Variants in ATRNL1 observed in about 807,000 individuals in gnomAD.
The protein encoded by ATRNL1 is attractin-like protein 1.
A neutral mutation model predicts 182.7 loss-of-function variants in ATRNL1; 95 were observed. That is an observed-to-expected ratio of 0.52 (90% confidence interval 0.44 to 0.62). The LOEUF is 0.62. Ranked by LOEUF, ATRNL1 falls within the 20% of genes least tolerant of loss-of-function variation. ATRNL1 has a pLI of 0.00. For synonymous variants in ATRNL1, 576 were observed against 568.3 expected, an observed-to-expected ratio of 1.01 and a Z score of -0.19; for missense variants, 1,471 against 1,679.5, an observed-to-expected ratio of 0.88 and a Z score of 2.17.
intron 26 of ATRNL1, among the ~76,000 whole-genome samples, chr10:115,647,394 A>G (rs1859698662): frequency 6.6e-6 from 1 of 152,126 alleles, no homozygotes; most frequent in Non-Finnish European, 1.5e-5. Context: ...CACAATGGTT[A>G]AACTAGTTTA....
At chr10:115,656,912 A>AAT (rs1318887624) in intron 26 of ATRNL1, among the ~76,000 whole-genome samples, 4 of 152,082 alleles carry the variant, frequency 2.6e-5, no homozygotes, top group African/African-American at 7.2e-5. Flanking sequence ...CTCCTTCTTA[A>AAT]ATATATATAT....
At chr10:115,186,980 A>G (rs1847966943) in intron 8 of ATRNL1, among the ~76,000 whole-genome samples, 1 of 152,104 alleles carries the variant, frequency 6.6e-6, no homozygotes, top group Non-Finnish European at 1.5e-5. Flanking sequence ...ATAAAGCAAA[A>G]CATAAAAATG....
intron 27 of ATRNL1, among the ~76,000 whole-genome samples, chr10:115,774,832 G>A (rs1339361849): frequency 6.8e-6 from 1 of 148,012 alleles, no homozygotes; most frequent in African/African-American, 2.5e-5. Flanking sequence ...TCTTGCTAAC[G>A]TTTCACTCAG....
At chr10:115,848,083 C>G in intron 28 of ATRNL1, 92 bp downstream of exon 28, 1 of 729,908 alleles carries the variant, frequency 1.4e-6, no homozygotes, top group Non-Finnish European at 2.4e-6. Flanking sequence ...CAGTAAGGAC[C>G]TTTGCAAGGT....
intron 27 of ATRNL1, among the ~76,000 whole-genome samples, chr10:115,831,386 CT>C (rs1201932493): frequency 4.6e-5 from 7 of 151,970 alleles, no homozygotes; most frequent in African/African-American, 1.5e-4. Context: ...AGATCTAGAA[CT>C]TTTTTTTAAC....
intron 28 of ATRNL1, among the ~76,000 whole-genome samples, chr10:115,908,335 T>C (rs1952565384): frequency 1.3e-5 from 2 of 152,030 alleles, no homozygotes; most frequent in Admixed American, 1.3e-4. Flanking sequence ...TTCTGGGGGC[T>C]CTGGGAAAGA....
At chr10:115,553,826 A>G (rs1592842070) in intron 26 of ATRNL1, among the ~76,000 whole-genome samples, 1 of 151,482 alleles carries the variant, frequency 6.6e-6, no homozygotes, top group African/African-American at 2.4e-5. Context: ...TGGTGTATAA[A>G]CCAATTAGTT....
chr10:115,930,610 C>G (rs1302408046), intron 28 of ATRNL1, among the ~76,000 whole-genome samples: 6 of 152,176 alleles, frequency 3.9e-5, no homozygotes, highest in Non-Finnish European at 5.9e-5. Flanking sequence ...TGATTCTGCA[C>G]AAAGATATAG....
At position 115,591,127 on chromosome 10, in the gene ATRNL1, A is replaced by G. The variant is rs538619698; in HGVS notation, c.3795+41591A>G. Among the ~76,000 whole-genome samples, 13 of 152,378 alleles carry G rather than the reference A, an allele frequency of 8.5e-5. No individual in the cohort carries two copies. In the South Asian group the frequency reaches 2.7e-3, roughly 32 times the overall value. ...CGTGTATATATTAATACATACGTGT[A>G]TACACACTAACATGTGAGTACACAT... On this transcript the variant is annotated intron_variant, in intron 26 of 28. Transcript: ENST00000355044.
chr10:115,905,387 A>ATTTT lies in ATRNL1; in HGVS notation c.4019-39258_4019-39255dup, dbSNP rs112510400. On this transcript the variant is annotated intron_variant, in intron 28 of 28. Transcript: ENST00000355044. ...ATGCCTATACCACCACACCCAGCTA[A>ATTTT]TTTTTTTTTTTTTTTTAAGTTTTGT... Among the ~76,000 whole-genome samples the ATTTT allele has an allele frequency of 1.9e-4, 27 of 142,378 alleles. 1 individual carries two copies. The South Asian group carries it at 6.2e-3, about 33-fold the overall frequency. 93.4% of individuals were successfully genotyped at this position (142,378 alleles called of 152,430 possible).
chr10:115,641,556 A>G (rs1415053425), intron 26 of ATRNL1, among the ~76,000 whole-genome samples: 1 of 152,198 alleles, frequency 6.6e-6, no homozygotes, highest in African/African-American at 2.4e-5. Flanking sequence ...ACCTTCCTAG[A>G]TAGAAAAACT....
chr10:115,549,620 T>G (rs1197830699), intron 26 of ATRNL1, 84 bp downstream of exon 26: 2 of 877,190 alleles, frequency 2.3e-6, no homozygotes, highest in African/African-American at 3.6e-5. Flanking sequence ...CCATGCTCTC[T>G]TGGAATGCAG....
chr10:115,517,350 GT>G (rs1425242859), intron 24 of ATRNL1, among the ~76,000 whole-genome samples: 8 of 151,622 alleles, frequency 5.3e-5, no homozygotes, highest in African/African-American at 1.9e-4. Flanking sequence ...ATGTTTTATT[GT>G]TTTTAAGTGC....
At chr10:115,629,716 T>C (rs1858356327) in intron 26 of ATRNL1, among the ~76,000 whole-genome samples, 1 of 152,144 alleles carries the variant, frequency 6.6e-6, no homozygotes, top group Non-Finnish European at 1.5e-5. Context: ...GAACCATCTG[T>C]AGTCTTCCTT....
At chr10:115,922,670 A>G (rs1481367417) in intron 28 of ATRNL1, among the ~76,000 whole-genome samples, 1 of 152,172 alleles carries the variant, frequency 6.6e-6, no homozygotes, top group Non-Finnish European at 1.5e-5. Flanking sequence ...AAAGTCAGTT[A>G]AGATTATCTT....
intron 26 of ATRNL1, among the ~76,000 whole-genome samples, chr10:115,613,209 T>C (rs1417868441): frequency 6.6e-6 from 1 of 152,240 alleles, no homozygotes; most frequent in African/African-American, 2.4e-5. Flanking sequence ...ATTAGGAGTC[T>C]TGCTGTTGCA....
intron 20 of ATRNL1, among the ~76,000 whole-genome samples, chr10:115,402,133 A>G (rs1844594687): frequency 6.6e-6 from 1 of 152,158 alleles, no homozygotes; most frequent in Admixed American, 6.6e-5. Context: ...TATATTTTCA[A>G]TTTACATGAT....
chr10:115,296,576 C>A (rs1853203995), intron 15 of ATRNL1, among the ~76,000 whole-genome samples: 2 of 152,126 alleles, frequency 1.3e-5, no homozygotes, highest in African/African-American at 4.8e-5. Flanking sequence ...ACAGCCAAAG[C>A]CCTCTTCCCC....
At chr10:115,937,163 A>G (rs1953585094) in intron 28 of ATRNL1, among the ~76,000 whole-genome samples, 1 of 152,162 alleles carries the variant, frequency 6.6e-6, no homozygotes, top group African/African-American at 2.4e-5. Context: ...ATGTTATAGA[A>G]AGTGTTGCGT....
Sources: allele counts gnomAD v4.1 joint callset (sites outside exome capture counted in the v4.1 genomes callset), GRCh38; gene constraint gnomAD v4.1.1; transcripts MANE v1.5; gene names NCBI Gene and HGNC (gene_info 2026-07-23, HGNC 2026-07-21).